CIDEA: variants seen among roughly 807,000 people sequenced by gnomAD.
CIDEA encodes the protein lipid transferase CIDEA.
Under a neutral mutation model 18.2 loss-of-function variants are expected in CIDEA, and 10 were observed. The ratio of observed to expected loss-of-function variants is 0.55; its 90% CI spans 0.34 to 0.93. CIDEA has a LOEUF of 0.93. Among genes scored for constraint, CIDEA ranks in the 40% least tolerant of loss-of-function variants. CIDEA has a pLI of 0.02. For synonymous variants in CIDEA, 128 were observed against 124.8 expected (o/e 1.03, Z -0.17); for missense variants, 309 against 293.1 (o/e 1.05, Z -0.40).
At chr18:12,274,026 G>A (rs141772533) in intron 3 of CIDEA, 67 bp from the exon 4 acceptor site, 2 of 1,550,894 alleles carry the variant, frequency 1.3e-6, no homozygotes, top group African/African-American at 1.4e-5. Flanking sequence ...GCTGGCATAA[G>A]AGCAGAGTGA....
intron 4 of CIDEA, among the ~76,000 whole-genome samples, chr18:12,275,997 TTTTTTTTC>T (rs1905319742): frequency 8.1e-6 from 1 of 123,506 alleles, no homozygotes; most frequent in African/African-American, 3.0e-5. Context: ...TCTTTTCTTA[TTTTTTTTC>T]TTTTTTGAGA....
At chr18:12,267,059 G>A (rs1303925003) in intron 3 of CIDEA, among the ~76,000 whole-genome samples, 2 of 151,974 alleles carry the variant, frequency 1.3e-5, no homozygotes, top group Admixed American at 6.6e-5. Flanking sequence ...GCACCCGGCC[G>A]ATTTTTTTAT....
In CIDEA at chr18:12,277,352, T is replaced by A. The variant is rs1271706628; in HGVS notation, c.*82T>A. The A allele has an allele frequency of 6.7e-7, 1 of 1,502,584 alleles. No individual in the cohort carries two copies. The highest frequency in any genetic ancestry group is 1.4e-5 in the African/African-American group (1 of 72,704). The allele number at this position is 1,502,584 out of a possible 1,614,324, so 93.1% of individuals were successfully genotyped here. A position where few individuals can be genotyped will look rare whatever the true frequency, so the allele number is the denominator to read the frequency against. ...ACGAATGTTGAAGATGCTTTTATGT[T>A]CTGAGCCACATGCACTTGGAGGCCG... On this transcript the variant is annotated 3_prime_UTR_variant, in exon 5 of 5. Transcript: ENST00000320477.
chr18:12,261,535 A>G (rs1912191567), intron 1 of CIDEA, among the ~76,000 whole-genome samples: 1 of 152,006 alleles, frequency 6.6e-6, no homozygotes, highest in Admixed American at 6.6e-5. Context: ...GCATGCAATC[A>G]TGTGTTGAAG....
chr18:12,264,936 C>T (rs1274304563), intron 3 of CIDEA, among the ~76,000 whole-genome samples: 1 of 152,208 alleles, frequency 6.6e-6, no homozygotes, highest in East Asian at 1.9e-4. Flanking sequence ...ACAAATGTTT[C>T]TAGGAAACTT....
chr18:12,264,552 T>A, intron 3 of CIDEA, 99 bp downstream of exon 3: 5 of 225,248 alleles, frequency 2.2e-5, no homozygotes, highest in African/African-American at 7.5e-5. Context: ...CTTTCTTTCT[T>A]TTTTTTTTTT....
In CIDEA at chr18:12,274,329, A is replaced by ACAGG. The variant is rs1912646045; in HGVS notation, c.512+59_512+62dup. 4 of 1,562,056 alleles carry ACAGG rather than the reference A, an allele frequency of 2.6e-6. No individual in the cohort carries two copies. In the Admixed American group the frequency reaches 5.0e-5, roughly 20 times the overall value. ...GTCTGCAGACTGCACAGGGTGTGGC[A>ACAGG]CAGGCAGCAGTCCCCACCCTGTTCC... On this transcript the variant is annotated intron_variant, in intron 4 of 4. Transcript: ENST00000320477.
intron 3 of CIDEA, 72 bp from the exon 4 acceptor site, chr18:12,274,021 C>T: frequency 2.0e-6 from 3 of 1,519,492 alleles, no homozygotes; most frequent in Non-Finnish European, 2.7e-6. Context: ...CTGAAGCTGG[C>T]ATAAGAGCAG....
chr18:12,264,285 C>A (rs761969816), intron 2 of CIDEA, 22 bp from the exon 3 acceptor site: 21 of 1,562,410 alleles, frequency 1.3e-5, no homozygotes, highest in Non-Finnish European at 1.5e-5. Flanking sequence ...CACTCCATTT[C>A]TCTGATGTGT....
intron 1 of CIDEA, among the ~76,000 whole-genome samples, chr18:12,255,672 A>G (rs1452002479): frequency 1.3e-5 from 2 of 152,004 alleles, no homozygotes; most frequent in African/African-American, 4.8e-5. Context: ...TTCACAACAC[A>G]CCCACTGTTC....
At position 12,274,098 on chromosome 18, in the gene CIDEA, C is replaced by G. The variant is rs1293190956; in HGVS notation, c.336C>G (p.Ser112Arg). ...LEKGQKWMPG[S>R]QHVPTCSPPK... ...CCCTCCCCCCATTGTCACAGGGCAG[C>G]CAGCACGTCCCCACTTGCTCGCCGC... Residue 112 changes from serine to arginine, a missense_variant, in exon 4 of 5, where the codon AGC (serine) becomes AGG (arginine). Transcript: ENST00000320477. 1.2e-5 allele frequency: 20 copies of G among 1,614,014 alleles called. No homozygotes were observed. In the East Asian group the frequency reaches 4.2e-4, roughly 34 times the overall value.
At chr18:12,264,201 A>G (rs1175002567) in intron 2 of CIDEA, 106 bp from the exon 3 acceptor site, 10 of 1,086,996 alleles carry the variant, frequency 9.2e-6, no homozygotes, top group South Asian at 2.1e-5. Context: ...AAATTTTATC[A>G]GAATCAGCCC....
chr18:12,271,059 C>T (rs1274289340), intron 3 of CIDEA, among the ~76,000 whole-genome samples: 3 of 151,900 alleles, frequency 2.0e-5, no homozygotes, highest in East Asian at 2.0e-4. Flanking sequence ...CCACCACGCC[C>T]GGCTAATTTT....
intron 3 of CIDEA, among the ~76,000 whole-genome samples, chr18:12,272,322 C>G (rs576804436): frequency 1.3e-5 from 2 of 152,206 alleles, no homozygotes; most frequent in East Asian, 3.8e-4. Context: ...AAGTGCTTCT[C>G]CTGCCTCAGC....
At chr18:12,264,932 G>C (rs1343960715) in intron 3 of CIDEA, among the ~76,000 whole-genome samples, 1 of 152,216 alleles carries the variant, frequency 6.6e-6, no homozygotes, top group Non-Finnish European at 1.5e-5. Flanking sequence ...TCTTACAAAT[G>C]TTTCTAGGAA....
intron 1 of CIDEA, among the ~76,000 whole-genome samples, chr18:12,258,488 G>A (rs1415795561): frequency 1.3e-5 from 2 of 152,216 alleles, no homozygotes; most frequent in Admixed American, 6.5e-5. Flanking sequence ...GCTGACAGGC[G>A]CTGTGGGAAA....
intron 4 of CIDEA, among the ~76,000 whole-genome samples, chr18:12,275,074 G>C (rs1351522902): frequency 6.6e-6 from 1 of 152,226 alleles, no homozygotes; most frequent in African/African-American, 2.4e-5. Context: ...TATAATCCCA[G>C]CACTTTGGGA....
chr18:12,267,039 G>A (rs571200021), intron 3 of CIDEA, among the ~76,000 whole-genome samples: 1 of 152,282 alleles, frequency 6.6e-6, no homozygotes, highest in Non-Finnish European at 1.5e-5. Flanking sequence ...GATTACAGGT[G>A]TGAGCCACCG....
intron 1 of CIDEA, among the ~76,000 whole-genome samples, chr18:12,258,945 G>A (rs558712351): frequency 1.3e-5 from 2 of 152,282 alleles, no homozygotes; most frequent in South Asian, 2.1e-4. Flanking sequence ...CGTCCTCACC[G>A]CCCTCTCCCC....
Sources: gnomAD v4.1 joint callset for allele counts (sites outside exome capture counted in the v4.1 genomes callset) on GRCh38, gnomAD v4.1.1 for gene constraint, MANE v1.5 for transcripts, NCBI Gene and HGNC (gene_info 2026-07-23, HGNC 2026-07-21) for gene names.